Variants in PPM1F observed in about 807,000 individuals in gnomAD.
PPM1F encodes protein phosphatase 1F.
Under a neutral mutation model 35.5 loss-of-function variants are expected in PPM1F, and 17 were observed. The observed-to-expected ratio is 0.48, with a 90% CI of 0.33 to 0.72. PPM1F has a LOEUF of 0.72. Ranked by LOEUF, PPM1F falls within the 30% of genes least tolerant of loss-of-function variation. The pLI, the probability that PPM1F is intolerant of heterozygous loss-of-function variation, is 0.02. For synonymous variants in PPM1F, 241 were observed against 255.5 expected (o/e 0.94, Z 0.54); for missense variants, 521 against 613.0 (o/e 0.85, Z 1.59).
chr22:21,927,872 A>T (rs2070534843), intron 6 of PPM1F, among the ~76,000 whole-genome samples: 2 of 149,932 alleles, frequency 1.3e-5, no homozygotes, highest in African/African-American at 4.9e-5. Context: ...ACATATCCCC[A>T]GGCTAAGGGG....
rs1211622826 is a variant in PPM1F at position 21,939,641 on chromosome 22, T to A, written c.246A>T (p.Glu82Asp). The change falls in exon 3 of 8, where the codon GAA (glutamate) becomes GAT (aspartate). Residue 82 changes from glutamate (E) to aspartate (D), a missense_variant. By Grantham distance (45) the Glu-to-Asp change is conservative (BLOSUM62 2). Around this residue, in one of 3 missense-constraint regions of PPM1F, gnomAD observed 311 missense variants for 351.5 expected, o/e 0.88. Transcript: ENST00000263212. The surrounding 1 kb of genome is among the most constrained non-coding windows in gnomAD (Gnocchi z 5.1). ...CTGTCTGTAGCAGCTGTGAAACTGCTTCGTGGGCCAGAGCAGCAGCAAGTG... is the reference window on the plus strand; with the variant it reads ...CTGTCTGTAGCAGCTGTGAAACTGCATCGTGGGCCAGAGCAGCAGCAAGTG... ...PPPLAAALAHEAVSQLLQTDL... is the reference protein window; with the variant it reads ...PPPLAAALAHDAVSQLLQTDL... 5 of 1,556,154 alleles carry A rather than the reference T, an allele frequency of 3.2e-6. No homozygotes were observed. The highest frequency in any genetic ancestry group is 4.4e-6 in the Non-Finnish European group (5 of 1,148,960).
chr22:21,930,665 G>T (rs1016501365), intron 6 of PPM1F, among the ~76,000 whole-genome samples: 3 of 152,206 alleles, frequency 2.0e-5, no homozygotes, highest in Non-Finnish European at 4.4e-5. Context: ...GAGACACATG[G>T]ATGAGACAGT....
In PPM1F at chr22:21,939,745, C is replaced by T. The variant is rs1311725206; in HGVS notation, c.207-65G>A. 2.6e-6 allele frequency: 4 copies of T among 1,534,930 alleles called. No individual in the cohort carries two copies. The highest frequency in any genetic ancestry group is 2.0e-5 in the Admixed American group (1 of 50,512). On this transcript the variant is annotated intron_variant, in intron 2 of 7. Coordinates refer to ENST00000263212, the MANE Select transcript of PPM1F (RefSeq NM_014634.4). The surrounding 1 kb of genome is among the most constrained non-coding windows in gnomAD (Gnocchi z 5.1). ...AGGAGACCACACCTAGCCCCCCTTC[C>T]CCAACTGTCAGCCCACATGCTGAGG...
chr22:21,927,576 G>A (rs2070531497), intron 6 of PPM1F, among the ~76,000 whole-genome samples: 1 of 152,240 alleles, frequency 6.6e-6, no homozygotes, highest in East Asian at 1.9e-4. Flanking sequence ...CCCCACAGGG[G>A]GCCATGCAGG....
chr22:21,934,057 G>T lies in PPM1F; in HGVS notation c.525C>A (p.Ser175=). ...CGAAGAGCTGGTTGAAGGAAGGGAGGGACACGTGCCGGTCCTCCATCTTGC... is the reference window on the plus strand; with the variant it reads ...CGAAGAGCTGGTTGAAGGAAGGGAGTGACACGTGCCGGTCCTCCATCTTGC... ...TRRKMEDRHV[S]LPSFNQLFGL... is the part of the protein sequence containing the mutation. Residue 175 remains serine (S), a synonymous_variant, in exon 4 of 8, where the codon TCC becomes TCA. Transcript: ENST00000263212. The T allele has an allele frequency of 6.4e-7, 1 of 1,565,090 alleles. No individual in the cohort carries two copies.
At chr22:21,948,049 G>T (rs1021221139) in intron 1 of PPM1F, 3 of 152,170 alleles carry the variant, frequency 2.0e-5, no homozygotes, top group African/African-American at 7.2e-5. Flanking sequence ...AAATAACGTA[G>T]GAATAGGGGT....
rs2070695813 is a variant in PPM1F at position 21,939,071 on chromosome 22, G to A, written c.355+461C>T. ...TGAGGCAGGGGGCCCGAGCGTTGAG[G>A]GGACCACGCTGCTGCCCCGAGACCT... On this transcript the variant is annotated intron_variant, in intron 3 of 7. Transcript: ENST00000263212. This position sits in a 1 kb window ranked among gnomAD's most constrained non-coding sequence, Gnocchi z 5.1. 1 of 163,876 alleles carries A rather than the reference G, an allele frequency of 6.1e-6. No individual in the cohort carries two copies. Among genetic ancestry groups the A allele is most frequent in the African/African-American group, 2.4e-5 (1 of 41,570 alleles). The allele number at this position is 163,876 out of a possible 1,614,324, so 10.2% of individuals were successfully genotyped here. A position where few individuals can be genotyped will look rare whatever the true frequency, so the allele number is the denominator to read the frequency against.
In PPM1F at chr22:21,931,009, A is replaced by G. The variant is rs1569127575; in HGVS notation, c.891+139T>C. On this transcript the variant is annotated intron_variant, in intron 6 of 7. Transcript: ENST00000263212. Reference sequence around the variant, plus strand: ...TCACGTGGGACCCCCGGCCACTCAAATCAGGCAGGGAGCCCTCCCTCTTGA... The same window carrying G: ...TCACGTGGGACCCCCGGCCACTCAAGTCAGGCAGGGAGCCCTCCCTCTTGA... 3 of 1,402,152 alleles carry G rather than the reference A, an allele frequency of 2.1e-6. No individual in the cohort carries two copies. The East Asian group carries it at 7.3e-5, about 34-fold the overall frequency. The allele number at this position is 1,402,152 out of a possible 1,614,324, so 86.9% of individuals were successfully genotyped here.
intron 3 of PPM1F, chr22:21,936,725 T>C (rs1471470036): frequency 1.3e-5 from 2 of 152,208 alleles, no homozygotes; most frequent in East Asian, 1.9e-4. Context: ...CTCCTGTCAG[T>C]GGCCGTGTGT....
chr22:21,946,294 C>T (rs183764690), intron 1 of PPM1F, 186 bp from the exon 2 acceptor site: 419 of 387,082 alleles, frequency 1.1e-3, no homozygotes, highest in Admixed American at 3.0e-3. Flanking sequence ...TCCAGAGATC[C>T]GGTCTCAGGA....
At chr22:21,938,052 G>T (rs746141952) in intron 3 of PPM1F, 3 of 1,229,094 alleles carry the variant, frequency 2.4e-6, no homozygotes, top group African/African-American at 1.6e-5. Context: ...GATCAAGGCC[G>T]CTAGGCAGGC....
intron 2 of PPM1F, chr22:21,941,561 A>G (rs2070725528): frequency 6.6e-6 from 1 of 152,326 alleles, no homozygotes; most frequent in African/African-American, 2.4e-5. Context: ...AGGGCCTGCA[A>G]GAACATGGTC....
chr22:21,937,927 C>T (rs1251503697), intron 3 of PPM1F: 2 of 413,984 alleles, frequency 4.8e-6, no homozygotes, highest in Non-Finnish European at 8.0e-6. Context: ...TTCAGCCACT[C>T]GCTGCTCTTC....
Position 21,945,921 on chromosome 22 carries a change from T to G in PPM1F, c.128A>C (p.Lys43Thr). 1 of 1,612,918 alleles carries G rather than the reference T, an allele frequency of 6.2e-7. No homozygotes were observed. ...CTGGCTGAGCACCGTCCCTGGGGCC[T>G]TCCATGGCAGAGGGTCCTCTGGGTT... ...LLNPEDPLPW[K>T]APGTVLSQEE... The change falls in exon 2 of 8, where the codon AAG (lysine) becomes ACG (threonine). Residue 43 changes from lysine to threonine, a missense_variant. Physicochemically the swap from Lys to Thr is moderately conservative, Grantham distance 78. Transcript: ENST00000263212.
chr22:21,947,958 T>C (rs1037068805), intron 1 of PPM1F: 1 of 151,970 alleles, frequency 6.6e-6, no homozygotes. Context: ...GGGTGAAGGG[T>C]GGTAAATTAA....
At chr22:21,937,685 C>G in intron 3 of PPM1F, 1 of 159,794 alleles carries the variant, frequency 6.3e-6, no homozygotes, top group Non-Finnish European at 1.4e-5. Flanking sequence ...GGCCTGAGCT[C>G]GGGCTGGGGG....
chr22:21,922,740 C>T lies in PPM1F; in HGVS notation c.*352G>A, dbSNP rs1018444927. On this transcript the variant is annotated 3_prime_UTR_variant, in exon 8 of 8. Transcript: ENST00000263212. ...CTCCTGGGTCCGCCCCAGGGTCCCA[C>T]GTGCACAACCATGCTGCCCCATGCA... The T allele has an allele frequency of 2.0e-5, 4 of 204,324 alleles. No homozygotes were observed. The highest frequency in any genetic ancestry group is 3.9e-5 in the Non-Finnish European group (4 of 102,772). The allele number at this position is 204,324 out of a possible 1,614,324, so 12.7% of individuals were successfully genotyped here.
chr22:21,923,065 A>G lies in PPM1F; in HGVS notation c.*27T>C. 1 of 1,564,214 alleles carries G rather than the reference A, an allele frequency of 6.4e-7. No homozygotes were observed. The highest frequency in any genetic ancestry group is 8.6e-7 in the Non-Finnish European group (1 of 1,157,436). ...GGAGAGAAGGACAAGGATGGGAGGA[A>G]GGGGAGGGCAGGGGCCTGGAAACCA... On this transcript the variant is annotated 3_prime_UTR_variant, in exon 8 of 8. Coordinates refer to ENST00000263212, the MANE Select transcript of PPM1F (RefSeq NM_014634.4).
chr22:21,940,129 G>T (rs903002292), intron 2 of PPM1F, among the ~76,000 whole-genome samples: 1 of 152,148 alleles, frequency 6.6e-6, no homozygotes, highest in Non-Finnish European at 1.5e-5. Flanking sequence ...TTAAGATGAC[G>T]TCATGCTGGA....
Sources: allele counts gnomAD v4.1 joint callset (sites outside exome capture counted in the v4.1 genomes callset), GRCh38; gene constraint gnomAD v4.1.1; regional missense constraint gnomAD v4.1.1; non-coding constraint Gnocchi (gnomAD v3.1); transcripts MANE v1.5; gene names NCBI Gene and HGNC (gene_info 2026-07-23, HGNC 2026-07-21).